RAB31: variants seen among roughly 807,000 people sequenced by gnomAD.
The protein encoded by RAB31 is ras-related protein Rab-31.
RAB31 carries 21 observed loss-of-function variants against 25.6 expected under a neutral mutation model. The ratio of observed to expected loss-of-function variants is 0.82; its 90% CI spans 0.58 to 1.18. The LOEUF (loss-of-function observed/expected upper bound fraction) is 1.18. Among genes scored for constraint, RAB31 ranks in the 50% most tolerant of loss-of-function variants. The pLI, the probability that RAB31 is intolerant of heterozygous loss-of-function variation, is 0.00. For missense variants in RAB31, 196 were observed against 250.1 expected (o/e 0.78, Z 1.46); for synonymous variants, 87 against 84.0 (o/e 1.04, Z -0.20).
intron 5 of RAB31, among the ~76,000 whole-genome samples, chr18:9,831,794 C>T (rs946876505): frequency 2.6e-5 from 4 of 152,234 alleles, no homozygotes; most frequent in Non-Finnish European, 4.4e-5. Flanking sequence ...ACAGTTTTCT[C>T]GAACACGGGG....
intron 5 of RAB31, among the ~76,000 whole-genome samples, chr18:9,830,004 A>AAATATTATTATT (rs71169907): frequency 0.24 from 35,915 of 149,330 alleles, 5,282 homozygotes; most frequent in South Asian, 0.44. Flanking sequence ...TGCTTTTAAA[A>AAATATTATTATT]AATATTATTA....
chr18:9,843,854 C>G (rs530478091), intron 5 of RAB31, among the ~76,000 whole-genome samples: 2 of 152,278 alleles, frequency 1.3e-5, no homozygotes, highest in East Asian at 3.9e-4. Context: ...GGCGCTTTTC[C>G]AGCTAGGACT....
chr18:9,796,442 C>T (rs1043353411), intron 3 of RAB31, among the ~76,000 whole-genome samples: 1 of 152,138 alleles, frequency 6.6e-6, no homozygotes, highest in Non-Finnish European at 1.5e-5. Context: ...AAAATATGCA[C>T]CTAATCTTAA....
chr18:9,755,184 C>T (rs539644175), intron 1 of RAB31, among the ~76,000 whole-genome samples: 1 of 152,294 alleles, frequency 6.6e-6, no homozygotes, highest in East Asian at 1.9e-4. Flanking sequence ...TCATCACCAT[C>T]ATTACTAATA....
At chr18:9,844,254 TC>T (rs1009171124) in intron 5 of RAB31, among the ~76,000 whole-genome samples, 2 of 152,144 alleles carry the variant, frequency 1.3e-5, no homozygotes, top group African/African-American at 4.8e-5. Flanking sequence ...CTCCAACCTC[TC>T]TGACATTCTC....
At chr18:9,741,550 C>T (rs1378745632) in intron 1 of RAB31, among the ~76,000 whole-genome samples, 4 of 152,116 alleles carry the variant, frequency 2.6e-5, no homozygotes, top group Non-Finnish European at 5.9e-5. Context: ...CAGCCACGCA[C>T]CATCTGTCCA....
chr18:9,859,576 G>A lies in RAB31; in HGVS notation c.*251G>A. 1 of 286,216 alleles carries A rather than the reference G, an allele frequency of 3.5e-6. No individual in the cohort carries two copies. The highest frequency in any genetic ancestry group is 6.2e-6 in the Non-Finnish European group (1 of 160,760). The allele number at this position is 286,216 out of a possible 1,614,324, so 17.7% of individuals were successfully genotyped here. ...ATGAAATGCACATGGAGGGGATGTAGTTGCATTTTTGCTAAAAAAAAAAAA... is the reference window on the plus strand; with the variant it reads ...ATGAAATGCACATGGAGGGGATGTAATTGCATTTTTGCTAAAAAAAAAAAA... On this transcript the variant is annotated 3_prime_UTR_variant, in exon 7 of 7. Coordinates refer to ENST00000578921, the MANE Select transcript of RAB31 (RefSeq NM_006868.4).
intron 1 of RAB31, among the ~76,000 whole-genome samples, chr18:9,736,986 T>C (rs1315310624): frequency 6.6e-6 from 1 of 152,222 alleles, no homozygotes; most frequent in Non-Finnish European, 1.5e-5. Context: ...GCTATTAAAA[T>C]TTATTATGTA....
intron 1 of RAB31, among the ~76,000 whole-genome samples, chr18:9,737,348 A>T (rs539378585): frequency 2.6e-5 from 4 of 152,160 alleles, no homozygotes; most frequent in Admixed American, 2.0e-4. Context: ...CTGTTTCCTT[A>T]TGTAACATAC....
intron 1 of RAB31, among the ~76,000 whole-genome samples, chr18:9,714,252 T>C (rs2068032876): frequency 6.6e-6 from 1 of 152,172 alleles, no homozygotes; most frequent in Non-Finnish European, 1.5e-5. Context: ...TTTCCACAGA[T>C]GGGAGCAGGA....
chr18:9,795,163 G>A (rs1235962569), intron 3 of RAB31, among the ~76,000 whole-genome samples: 2 of 152,142 alleles, frequency 1.3e-5, no homozygotes, highest in Admixed American at 6.5e-5. Flanking sequence ...TTCAACAAAT[G>A]GTGCTGGGAT....
At chr18:9,738,479 G>A (rs1023868) in intron 1 of RAB31, among the ~76,000 whole-genome samples, 72,369 of 151,916 alleles carry the variant, frequency 0.48, 17,423 homozygotes, top group Admixed American at 0.49. Flanking sequence ...GCATGCCTAC[G>A]TCATGAAGTT....
chr18:9,798,025 C>A (rs1431077294), intron 3 of RAB31, among the ~76,000 whole-genome samples: 3 of 152,166 alleles, frequency 2.0e-5, no homozygotes, highest in Non-Finnish European at 4.4e-5. Context: ...TAAAATTTGA[C>A]TTTTAGAGGT....
intron 1 of RAB31, among the ~76,000 whole-genome samples, chr18:9,752,829 T>C (rs1166470286): frequency 1.3e-5 from 2 of 152,240 alleles, no homozygotes; most frequent in African/African-American, 4.8e-5. Context: ...TTTTACTTTA[T>C]GGAATGTCTA....
intron 1 of RAB31, among the ~76,000 whole-genome samples, chr18:9,717,136 A>G (rs1045002762): frequency 2.0e-5 from 3 of 151,094 alleles, no homozygotes; most frequent in East Asian, 2.0e-4. Context: ...CTGGAGTGCA[A>G]TGGTGCGATC....
At chr18:9,735,563 T>A in intron 1 of RAB31, 1 of 192,394 alleles carries the variant, frequency 5.2e-6, no homozygotes, top group South Asian at 9.9e-5. Context: ...GTGGCTCGTG[T>A]GGCCCTGAAG....
Position 9,814,105 on chromosome 18 carries a change from C to A in RAB31, c.273+14C>A. 6.5e-7 allele frequency: 1 copy of A among 1,539,126 alleles called. No homozygotes were observed. Among genetic ancestry groups the A allele is most frequent in the South Asian group, 1.2e-5 (1 of 85,706 alleles). On this transcript the variant is annotated intron_variant, in intron 4 of 6. Transcript: ENST00000578921. ...ATTACCAAGCAGGTAAGAATGTCTC[C>A]TTCAGAATTTAGATGTCATTTATGG...
intron 1 of RAB31, among the ~76,000 whole-genome samples, chr18:9,719,143 G>A (rs760912610): frequency 5.8e-4 from 87 of 149,902 alleles, no homozygotes; most frequent in Non-Finnish European, 1.1e-3. Context: ...GGTGGCGTGC[G>A]CCTATAATCC....
intron 2 of RAB31, among the ~76,000 whole-genome samples, chr18:9,783,021 C>T (rs969743776): frequency 6.6e-6 from 1 of 152,152 alleles, no homozygotes; most frequent in African/African-American, 2.4e-5. Flanking sequence ...CAATGATTGT[C>T]GTGGTCCTCA....
Sources: allele counts gnomAD v4.1 joint callset (sites outside exome capture counted in the v4.1 genomes callset), GRCh38; gene constraint gnomAD v4.1.1; transcripts MANE v1.5; gene names NCBI Gene and HGNC (gene_info 2026-07-23, HGNC 2026-07-21).